The following MAGI3 variants were observed in gnomAD, a reference collection of about 807,000 sequenced individuals.
MAGI3 encodes the protein membrane associated guanylate kinase, WW and PDZ domain containing 3.
MAGI3 carries 43 observed loss-of-function variants against 121.8 expected under a neutral mutation model. The observed-to-expected ratio is 0.35, with a 90% CI of 0.28 to 0.46. The LOEUF (loss-of-function observed/expected upper bound fraction) is 0.46, where lower values mean the gene tolerates loss of function less well. MAGI3 is among the 20% of genes least tolerant of loss of function. The pLI is 1.00. For missense variants in MAGI3, 1,547 were observed against 1,797.3 expected, an observed-to-expected ratio of 0.86 and a Z score of 2.52; for synonymous variants, 553 against 639.3, an observed-to-expected ratio of 0.86 and a Z score of 2.04.
intron 9 of MAGI3, among the ~76,000 whole-genome samples, chr1:113,625,196 TA>T (rs1651155423): frequency 6.6e-6 from 1 of 152,210 alleles, no homozygotes; most frequent in East Asian, 1.9e-4. Flanking sequence ...TGGTTCCATA[TA>T]AATTTCAGAA....
At chr1:113,597,482 G>C (rs761776945) in intron 6 of MAGI3, among the ~76,000 whole-genome samples, 7 of 152,138 alleles carry the variant, frequency 4.6e-5, no homozygotes, top group Non-Finnish European at 8.8e-5. Flanking sequence ...CCTCAATAAA[G>C]TTGTTTTTAA....
At chr1:113,656,919 T>G (rs889431014) in intron 15 of MAGI3, among the ~76,000 whole-genome samples, 1 of 152,182 alleles carries the variant, frequency 6.6e-6, no homozygotes, top group South Asian at 2.1e-4. Context: ...AGGCCTCTAT[T>G]TAAGATTAAG....
chr1:113,487,377 G>A (rs1425315208), intron 1 of MAGI3, among the ~76,000 whole-genome samples: 2 of 152,108 alleles, frequency 1.3e-5, no homozygotes, highest in African/African-American at 4.8e-5. Flanking sequence ...TAATTTTCCT[G>A]TGTATACAAT....
At chr1:113,572,211 T>C (rs1487209478) in intron 2 of MAGI3, among the ~76,000 whole-genome samples, 3 of 152,236 alleles carry the variant, frequency 2.0e-5, no homozygotes, top group Admixed American at 6.5e-5. Context: ...GATTTGCATA[T>C]GTTGAACCAG....
chr1:113,592,181 A>C lies in MAGI3; in HGVS notation c.938+1523A>C, dbSNP rs75368439. ...GAGAAAATATTTATAAACCATATAT[A>C]TTATAAAGGGTTAATATGTAGAATA... On this transcript the variant is annotated intron_variant, in intron 5 of 20. Coordinates refer to ENST00000307546, the MANE Select transcript of MAGI3 (RefSeq NM_001142782.2). Among the ~76,000 whole-genome samples, 777 of 152,286 alleles carry C rather than the reference A, an allele frequency of 5.1e-3. 4 individuals are homozygous for C. The highest frequency in any genetic ancestry group is 0.018 in the African/African-American group (750 of 41,566).
intron 2 of MAGI3, among the ~76,000 whole-genome samples, chr1:113,554,163 A>G (rs1235362236): frequency 6.6e-6 from 1 of 152,254 alleles, no homozygotes; most frequent in Non-Finnish European, 1.5e-5. Flanking sequence ...TAGAAAAAAG[A>G]AACAGAAATG....
intron 2 of MAGI3, among the ~76,000 whole-genome samples, chr1:113,550,879 A>G (rs1325645469): frequency 6.6e-6 from 1 of 151,108 alleles, no homozygotes; most frequent in Non-Finnish European, 1.5e-5. Context: ...TTTAGCTCCC[A>G]GTGCCTTGCA....
chr1:113,635,139 G>C (rs1338681900), intron 9 of MAGI3, among the ~76,000 whole-genome samples: 1 of 152,058 alleles, frequency 6.6e-6, no homozygotes, highest in Non-Finnish European at 1.5e-5. Context: ...GAGACAATGG[G>C]GTTTTCTAGA....
At chr1:113,424,610 A>C (rs572631706) in intron 1 of MAGI3, among the ~76,000 whole-genome samples, 1 of 152,260 alleles carries the variant, frequency 6.6e-6, no homozygotes, top group African/African-American at 2.4e-5. Context: ...CATTCATCCA[A>C]GTTGTTGCAT....
At chr1:113,573,971 G>A (rs1354555793) in intron 2 of MAGI3, among the ~76,000 whole-genome samples, 1 of 151,972 alleles carries the variant, frequency 6.6e-6, no homozygotes, top group African/African-American at 2.4e-5. Flanking sequence ...TTTGATCTTT[G>A]TTGGTTTAAA....
intron 9 of MAGI3, among the ~76,000 whole-genome samples, chr1:113,623,202 T>C (rs1650949471): frequency 6.6e-6 from 1 of 151,918 alleles, no homozygotes; most frequent in South Asian, 2.1e-4. Context: ...ACATGAGATA[T>C]TATACTATGA....
At chr1:113,592,330 CTT>C (rs931074849) in intron 5 of MAGI3, among the ~76,000 whole-genome samples, 2 of 152,058 alleles carry the variant, frequency 1.3e-5, no homozygotes, top group Admixed American at 6.6e-5. Context: ...GGTCTATAGA[CTT>C]TAGTTCTTAT....
intron 1 of MAGI3, among the ~76,000 whole-genome samples, chr1:113,420,233 C>T (rs1451450183): frequency 1.3e-5 from 2 of 152,236 alleles, no homozygotes; most frequent in Admixed American, 6.5e-5. Context: ...TGGGTCTACA[C>T]GAGCCTTAGA....
chr1:113,606,820 C>T (rs770283904), intron 6 of MAGI3, among the ~76,000 whole-genome samples: 6 of 152,102 alleles, frequency 3.9e-5, no homozygotes, highest in Non-Finnish European at 7.4e-5. Flanking sequence ...TTAGTTTTCA[C>T]GTCCTGTTGC....
chr1:113,548,331 A>G (rs2101666667), intron 1 of MAGI3, among the ~76,000 whole-genome samples: 1 of 152,344 alleles, frequency 6.6e-6, no homozygotes, highest in Non-Finnish European at 1.5e-5. Context: ...ATTCATTGCT[A>G]TCAGATTTCT....
At chr1:113,561,766 C>T (rs775583488) in intron 2 of MAGI3, among the ~76,000 whole-genome samples, 11 of 151,952 alleles carry the variant, frequency 7.2e-5, no homozygotes, top group Admixed American at 2.0e-4. Context: ...CTGACCAGGG[C>T]GATCAAGAAA....
intron 19 of MAGI3, among the ~76,000 whole-genome samples, chr1:113,676,723 G>A (rs1432928132): frequency 2.6e-5 from 4 of 152,036 alleles, no homozygotes; most frequent in South Asian, 2.1e-4. Flanking sequence ...GCTGACACTC[G>A]CACCACGGAG....
At chr1:113,583,663 CTGTT>C (rs1384358641) in intron 3 of MAGI3, among the ~76,000 whole-genome samples, 10 of 152,046 alleles carry the variant, frequency 6.6e-5, no homozygotes, top group Non-Finnish European at 1.2e-4. Context: ...AGCCAAATCT[CTGTT>C]TGGTGTATTT....
chr1:113,630,584 T>C (rs1651562633), intron 9 of MAGI3, among the ~76,000 whole-genome samples: 1 of 152,206 alleles, frequency 6.6e-6, no homozygotes, highest in Non-Finnish European at 1.5e-5. Flanking sequence ...AGCCAGCATG[T>C]CTCAGAGCCC....
Sources: allele counts gnomAD v4.1 joint callset (sites outside exome capture counted in the v4.1 genomes callset), GRCh38; gene constraint gnomAD v4.1.1; transcripts MANE v1.5; gene names NCBI Gene and HGNC (gene_info 2026-07-23, HGNC 2026-07-21).